DR1: variants seen among roughly 807,000 people sequenced by gnomAD.
DR1 encodes down-regulator of transcription 1.
Under a neutral mutation model 19.9 loss-of-function variants are expected in DR1, and 7 were observed. The ratio of observed to expected loss-of-function variants is 0.35; its 90% CI spans 0.20 to 0.66. DR1 has a LOEUF of 0.66. DR1 is among the 30% of genes least tolerant of loss of function. DR1 has a pLI of 0.66. For synonymous variants in DR1, 76 were observed against 72.5 expected, an observed-to-expected ratio of 1.05 and a Z score of -0.24; for missense variants, 98 against 203.7, an observed-to-expected ratio of 0.48 and a Z score of 3.16.
chr1:93,363,903 A>G lies in DR1; in HGVS notation c.*3264A>G, dbSNP rs1667089352. On this transcript the variant is annotated 3_prime_UTR_variant, in exon 3 of 3. Transcript: ENST00000370272. The stretch of plus-strand genomic sequence containing the variant: ...AAAAGTTATTCATTCTCCCATTAAT[A>G]GTCTTTTGAGAATTTTTCAATTCTG... 1 of 152,224 alleles carries G rather than the reference A, an allele frequency of 6.6e-6. No homozygotes were observed. Among genetic ancestry groups the G allele is most frequent in the South Asian group, 2.1e-4 (1 of 4,838 alleles). The allele number at this position is 152,224 out of a possible 1,614,324, so 9.4% of individuals were successfully genotyped here.
At chr1:93,356,085 T>A (rs1318016216) in intron 2 of DR1, among the ~76,000 whole-genome samples, 2 of 152,144 alleles carry the variant, frequency 1.3e-5, no homozygotes, top group Non-Finnish European at 2.9e-5. Context: ...CATGCCTGCT[T>A]ACCTGTCTTT....
In DR1 at chr1:93,364,842, C is replaced by CTTTCTT. The variant is rs1667098890; in HGVS notation, c.*4206_*4207insCTTTTT. The CTTTCTT allele has an allele frequency of 2.0e-4, 16 of 79,756 alleles. No individual in the cohort carries two copies. Among genetic ancestry groups the CTTTCTT allele is most frequent in the African/African-American group, 6.7e-4 (16 of 23,746 alleles). 4.9% of individuals were successfully genotyped at this position (79,756 alleles called of 1,614,324 possible). A position where few individuals can be genotyped will look rare whatever the true frequency, so the allele number is the denominator to read the frequency against. Reference sequence around the variant, plus strand: ...ATGTTTCCTTTTTCTTTTTTCTTTTCTTTTCTTTCTTTTTTTTTTTTTTTT... The same window carrying CTTTCTT: ...ATGTTTCCTTTTTCTTTTTTCTTTTCTTTCTTTTTTCTTTCTTTTTTTTTTTTTTTT... On this transcript the variant is annotated 3_prime_UTR_variant, in exon 3 of 3. Transcript: ENST00000370272.
At position 93,364,501 on chromosome 1, in the gene DR1, C is replaced by G. The variant is rs1667094128; in HGVS notation, c.*3862C>G. 1 of 152,092 alleles carries G rather than the reference C, an allele frequency of 6.6e-6. No individual in the cohort carries two copies. Among genetic ancestry groups the G allele is most frequent in the South Asian group, 2.1e-4 (1 of 4,832 alleles). 9.4% of individuals were successfully genotyped at this position (152,092 alleles called of 1,614,324 possible). On this transcript the variant is annotated 3_prime_UTR_variant, in exon 3 of 3. Coordinates refer to ENST00000370272, the MANE Select transcript of DR1 (RefSeq NM_001938.3). Reference sequence around the variant, plus strand: ...CAAATGGCCATTAGGAAGAATTATCCAATTCAGATGGCATAGGCACTGCCT... The same window carrying G: ...CAAATGGCCATTAGGAAGAATTATCGAATTCAGATGGCATAGGCACTGCCT...
chr1:93,356,766 G>A (rs1666991624), intron 2 of DR1, among the ~76,000 whole-genome samples: 1 of 150,354 alleles, frequency 6.7e-6, no homozygotes, highest in Non-Finnish European at 1.5e-5. Flanking sequence ...CTGTTGCCCA[G>A]GCTGGAGTGC....
In DR1 at chr1:93,368,833, T is replaced by C. The variant is rs1174888819; in HGVS notation, c.*8194T>C. 2.0e-5 allele frequency: 3 copies of C among 152,158 alleles called. No homozygotes were observed. Among genetic ancestry groups the C allele is most frequent in the Admixed American group, 2.0e-4 (3 of 15,278 alleles). The allele number at this position is 152,158 out of a possible 1,614,324, so 9.4% of individuals were successfully genotyped here. A position where few individuals can be genotyped will look rare whatever the true frequency, so the allele number is the denominator to read the frequency against. On this transcript the variant is annotated 3_prime_UTR_variant, in exon 3 of 3. Coordinates refer to ENST00000370272, the MANE Select transcript of DR1 (RefSeq NM_001938.3). Reference sequence around the variant, plus strand: ...GCCCTTACAAAATTTCGTCTGTCTTTATTATAAACATGTTGTAAGTGAGGA... The same window carrying C: ...GCCCTTACAAAATTTCGTCTGTCTTCATTATAAACATGTTGTAAGTGAGGA...
rs1233667118 is a variant in DR1 at position 93,368,172 on chromosome 1, A to T, written c.*7533A>T. ...ATTGATAGTCCAGTCATAGACTGGTAACACAGGCACACCATTAAAAATAAT... is the reference window on the plus strand; with the variant it reads ...ATTGATAGTCCAGTCATAGACTGGTTACACAGGCACACCATTAAAAATAAT... On this transcript the variant is annotated 3_prime_UTR_variant, in exon 3 of 3. Coordinates refer to ENST00000370272, the MANE Select transcript of DR1 (RefSeq NM_001938.3). 1 of 152,200 alleles carries T rather than the reference A, an allele frequency of 6.6e-6. No individual in the cohort carries two copies. Among genetic ancestry groups the T allele is most frequent in the Non-Finnish European group, 1.5e-5 (1 of 68,034 alleles). The allele number at this position is 152,200 out of a possible 1,614,324, so 9.4% of individuals were successfully genotyped here.
intron 1 of DR1, among the ~76,000 whole-genome samples, chr1:93,347,155 A>C (rs1208641766): frequency 6.6e-6 from 1 of 152,242 alleles, no homozygotes; most frequent in African/African-American, 2.4e-5. Flanking sequence ...CCGAAGCAAC[A>C]AGAATTACTT....
intron 1 of DR1, among the ~76,000 whole-genome samples, chr1:93,350,028 GATA>G (rs1201359077): frequency 2.6e-5 from 4 of 152,112 alleles, no homozygotes; most frequent in East Asian, 1.9e-4. Context: ...CGTTTATACA[GATA>G]TTTTTTCCGA....
Position 93,346,585 on chromosome 1 carries a change from G to GAGT in DR1, c.-57_-55dup. The GAGT allele has an allele frequency of 1.4e-6, 2 of 1,404,686 alleles. No homozygotes were observed. Among genetic ancestry groups the GAGT allele is most frequent in the South Asian group, 1.2e-5 (1 of 85,228 alleles). 87.0% of individuals were successfully genotyped at this position (1,404,686 alleles called of 1,614,324 possible). A position where few individuals can be genotyped will look rare whatever the true frequency, so the allele number is the denominator to read the frequency against. ...GGCGACTTTTTGAGAAATCTCGGTG[G>GAGT]AGTAGTGGACCAGAGCTGGGGAGTT... On this transcript the variant is annotated 5_prime_UTR_variant, in exon 1 of 3. Transcript: ENST00000370272.
intron 2 of DR1, chr1:93,355,477 T>C (rs1230675867): frequency 6.6e-6 from 1 of 152,228 alleles, no homozygotes; most frequent in Non-Finnish European, 1.5e-5. Context: ...TTGGAGTCTA[T>C]ATTTAAACTT....
chr1:93,358,883 T>C (rs1667023388), intron 2 of DR1, among the ~76,000 whole-genome samples: 1 of 152,202 alleles, frequency 6.6e-6, no homozygotes, highest in South Asian at 2.1e-4. Flanking sequence ...GAGAAAATAG[T>C]ATTTCAGTTT....
At position 93,361,337 on chromosome 1, in the gene DR1, C is replaced by A. The variant is rs1455448425; in HGVS notation, c.*698C>A. 1 of 152,508 alleles carries A rather than the reference C, an allele frequency of 6.6e-6. No homozygotes were observed. The highest frequency in any genetic ancestry group is 2.4e-5 in the African/African-American group (1 of 41,410). 9.4% of individuals were successfully genotyped at this position (152,508 alleles called of 1,614,324 possible). ...TAATTCATTTTGAGCTCCACTATGA[C>A]ATTTCAAAGACTGCCCAGTTTGGAA... On this transcript the variant is annotated 3_prime_UTR_variant, in exon 3 of 3. Coordinates refer to ENST00000370272, the MANE Select transcript of DR1 (RefSeq NM_001938.3).
At position 93,361,043 on chromosome 1, in the gene DR1, AG is replaced by A. The variant is rs71311970; in HGVS notation, c.*412del. The A allele has an allele frequency of 1.9e-4, 28 of 147,870 alleles. No homozygotes were observed. The highest frequency in any genetic ancestry group is 3.1e-4 in the Non-Finnish European group (21 of 68,026). The allele number at this position is 147,870 out of a possible 1,614,324, so 9.2% of individuals were successfully genotyped here. A position where few individuals can be genotyped will look rare whatever the true frequency, so the allele number is the denominator to read the frequency against. On this transcript the variant is annotated 3_prime_UTR_variant, in exon 3 of 3. Transcript: ENST00000370272. The stretch of plus-strand genomic sequence containing the variant: ...AAAACTTGTGAATTTTAAATTATTA[AG>A]GGGGGGGTGCTGTGTGAATCAGTAG...
intron 2 of DR1, 58 bp from the exon 3 acceptor site, chr1:93,360,435 T>G: frequency 6.9e-7 from 1 of 1,459,410 alleles, no homozygotes; most frequent in Non-Finnish European, 9.0e-7. Flanking sequence ...TTAACCAAAG[T>G]GTATATATTG....
chr1:93,354,193 C>A, intron 2 of DR1, 122 bp downstream of exon 2: 1 of 998,288 alleles, frequency 1.0e-6, no homozygotes, highest in Non-Finnish European at 1.4e-6. Context: ...ATTATAGATT[C>A]TGGTGTTCAG....
intron 1 of DR1, among the ~76,000 whole-genome samples, chr1:93,347,279 C>T (rs751541878): frequency 1.5e-4 from 23 of 152,216 alleles, no homozygotes; most frequent in Non-Finnish European, 2.8e-4. Context: ...CCCTTCCCCA[C>T]CTGACCTTTC....
rs199636805 is a variant in DR1 at position 93,360,466 on chromosome 1, AT to A, written c.385-18del. 1.4e-4 allele frequency: 214 copies of A among 1,519,208 alleles called. No individual in the cohort carries two copies. In the Admixed American group the frequency reaches 2.2e-3, roughly 16 times the overall value. The allele number at this position is 1,519,208 out of a possible 1,614,324, so 94.1% of individuals were successfully genotyped here. A position where few individuals can be genotyped will look rare whatever the true frequency, so the allele number is the denominator to read the frequency against. ...TATTGTGGGTTTGTAAAAAATTGTT[AT>A]TTTTTTTTATGTTTTGGGTGTTTAG... On this transcript the variant is annotated intron_variant, in intron 2 of 2. Transcript: ENST00000370272.
chr1:93,359,807 A>G (rs1667031825), intron 2 of DR1, among the ~76,000 whole-genome samples: 1 of 152,152 alleles, frequency 6.6e-6, no homozygotes, highest in Non-Finnish European at 1.5e-5. Context: ...GATATATCAG[A>G]TGAATGGATT....
At position 93,346,447 on chromosome 1, in the gene DR1, A is replaced by C. The variant is rs1056963360; in HGVS notation, c.-199A>C. Reference sequence around the variant, plus strand: ...TCCTCGGGCCCCCACTTTCTTCCCAAACTCATCCTAAATCTCTCACACACG... The same window carrying C: ...TCCTCGGGCCCCCACTTTCTTCCCACACTCATCCTAAATCTCTCACACACG... On this transcript the variant is annotated 5_prime_UTR_variant, in exon 1 of 3. Coordinates refer to ENST00000370272, the MANE Select transcript of DR1 (RefSeq NM_001938.3). 1.7e-6 allele frequency: 1 copy of C among 589,116 alleles called. No homozygotes were observed. The highest frequency in any genetic ancestry group is 1.9e-5 in the African/African-American group (1 of 53,502). The allele number at this position is 589,116 out of a possible 1,614,324, so 36.5% of individuals were successfully genotyped here. A position where few individuals can be genotyped will look rare whatever the true frequency, so the allele number is the denominator to read the frequency against.
Sources: allele counts gnomAD v4.1 joint callset (sites outside exome capture counted in the v4.1 genomes callset), GRCh38; gene constraint gnomAD v4.1.1; transcripts MANE v1.5; gene names NCBI Gene and HGNC (gene_info 2026-07-23, HGNC 2026-07-21).